Variants in SRGAP2 observed in about 807,000 individuals in gnomAD.
SRGAP2 encodes the protein SLIT-ROBO Rho GTPase activating protein 2, also known as SLIT-ROBO Rho GTPase-activating protein 2.
Under a neutral mutation model 57.2 loss-of-function variants are expected in SRGAP2, and 15 were observed. The ratio of observed to expected loss-of-function variants is 0.26; its 90% CI spans 0.18 to 0.40. The LOEUF is 0.40. Among genes scored for constraint, SRGAP2 ranks in the 10% least tolerant of loss-of-function variants. The probability of loss-of-function intolerance (pLI) is 1.00; values close to 1 mark genes in which losing one functional copy is unlikely to be tolerated. For missense variants in SRGAP2, 520 were observed against 669.6 expected (o/e 0.78, Z 2.47); for synonymous variants, 249 against 248.0 (o/e 1.00, Z -0.04).
Position 206,440,670 on chromosome 1 carries a change from C to T in SRGAP2, c.1874+589C>T, listed in dbSNP as rs551817021. Among the ~76,000 whole-genome samples the T allele has an allele frequency of 6.3e-4, 96 of 152,072 alleles. 1 individual carries two copies. Among genetic ancestry groups the T allele is most frequent in the African/African-American group, 2.0e-3 (85 of 41,490 alleles). ...TCAAGCGATTCTCCTGCCTCAGCCT[C>T]CTGAGTAGCTGGGACCCAGGCGCAT... On this transcript the variant is annotated intron_variant, in intron 17 of 22. Coordinates refer to ENST00000573034, the MANE Select transcript of SRGAP2 (RefSeq NM_015326.5).
At chr1:206,254,628 A>T (rs1307210062) in intron 2 of SRGAP2, among the ~76,000 whole-genome samples, 1 of 151,810 alleles carries the variant, frequency 6.6e-6, no homozygotes, top group Non-Finnish European at 1.5e-5. Flanking sequence ...TCTGGCAAAA[A>T]AAAAAAAAAG....
intron 4 of SRGAP2, among the ~76,000 whole-genome samples, chr1:206,355,993 A>T (rs1571941489): frequency 6.8e-6 from 1 of 148,130 alleles, no homozygotes; most frequent in Non-Finnish European, 1.5e-5. Context: ...AATAAATAAA[A>T]TAAAAATGCC....
chr1:206,256,163 G>GT (rs1446107186), intron 2 of SRGAP2, among the ~76,000 whole-genome samples: 22 of 151,396 alleles, frequency 1.5e-4, no homozygotes, highest in African/African-American at 4.9e-4. Flanking sequence ...TAGATGCTAA[G>GT]TAAGGAGGTC....
intron 8 of SRGAP2, among the ~76,000 whole-genome samples, chr1:206,404,415 G>A (rs1302971644): frequency 6.6e-6 from 1 of 152,224 alleles, no homozygotes; most frequent in Admixed American, 6.5e-5. Context: ...CAGACAAGAG[G>A]CTAAAGGACG....
intron 4 of SRGAP2, among the ~76,000 whole-genome samples, chr1:206,353,067 GT>G: frequency 6.6e-6 from 1 of 151,922 alleles, no homozygotes; most frequent in South Asian, 2.1e-4. Flanking sequence ...TGTAAGCGTG[GT>G]TTTCATTGTA....
chr1:206,408,711 T>A (rs1553358297), intron 10 of SRGAP2, among the ~76,000 whole-genome samples: 1 of 147,878 alleles, frequency 6.8e-6, no homozygotes, highest in Admixed American at 6.6e-5. Context: ...ACTTTTTGGC[T>A]CTAAATGAAT....
At chr1:206,313,933 A>G (rs1341674723) in intron 3 of SRGAP2, among the ~76,000 whole-genome samples, 4 of 151,868 alleles carry the variant, frequency 2.6e-5, no homozygotes, top group South Asian at 2.1e-4. Flanking sequence ...ACAGGTGGAA[A>G]GCACCTGGTA....
At chr1:206,415,519 T>C (rs12085911) in intron 10 of SRGAP2, among the ~76,000 whole-genome samples, 14,666 of 151,656 alleles carry the variant, frequency 0.097, 1,560 homozygotes, top group African/African-American at 0.26. Context: ...CAGGGCAGGG[T>C]GGGATGTCAG....
chr1:206,442,900 G>A (rs6681850), intron 17 of SRGAP2, among the ~76,000 whole-genome samples: 29,579 of 151,900 alleles, frequency 0.19, 3,100 homozygotes, highest in South Asian at 0.28. Context: ...CTTCATTGCT[G>A]TGAGTCCTGG....
At chr1:206,370,406 TA>T (rs1464841526) in intron 4 of SRGAP2, among the ~76,000 whole-genome samples, 1 of 152,060 alleles carries the variant, frequency 6.6e-6, no homozygotes, top group Non-Finnish European at 1.5e-5. Context: ...TACAATAGAG[TA>T]GTATTTAGTC....
intron 4 of SRGAP2, among the ~76,000 whole-genome samples, chr1:206,345,801 G>A (rs1156292225): frequency 6.6e-6 from 1 of 150,394 alleles, no homozygotes; most frequent in African/African-American, 2.5e-5. Context: ...GTTTGAGGAT[G>A]CAGTGAGCTG....
At chr1:206,421,430 A>G (rs945490312) in intron 13 of SRGAP2, among the ~76,000 whole-genome samples, 156 bp downstream of exon 13, 2 of 152,210 alleles carry the variant, frequency 1.3e-5, no homozygotes, top group Non-Finnish European at 2.9e-5. Context: ...ATATGGTGGC[A>G]ATGTCATTGA....
intron 13 of SRGAP2, among the ~76,000 whole-genome samples, chr1:206,427,475 A>C (rs552214277): frequency 6.6e-6 from 1 of 152,284 alleles, no homozygotes; most frequent in East Asian, 1.9e-4. Context: ...ACCAGCTCCA[A>C]CTTGGCACAT....
intron 3 of SRGAP2, among the ~76,000 whole-genome samples, chr1:206,339,723 C>CA (rs1433449572): frequency 6.8e-6 from 1 of 147,818 alleles, no homozygotes; most frequent in East Asian, 2.0e-4. Flanking sequence ...AACTATCGCA[C>CA]AAAATGCTGT....
chr1:206,277,953 TG>T lies in SRGAP2; in HGVS notation c.68-25325del, dbSNP rs1258952554. Among the ~76,000 whole-genome samples, 4 of 150,842 alleles carry T rather than the reference TG, an allele frequency of 2.7e-5. No individual in the cohort carries two copies. In the South Asian group the frequency reaches 6.3e-4, roughly 24 times the overall value. ...AAGATCATGCCACTGCACTCCAGCC[TG>T]GGTGACAGAGTGAGACTGTCTCAAA... On this transcript the variant is annotated intron_variant, in intron 2 of 22. Coordinates refer to ENST00000573034, the MANE Select transcript of SRGAP2 (RefSeq NM_015326.5).
chr1:206,279,273 C>T (rs1169679417), intron 2 of SRGAP2, among the ~76,000 whole-genome samples: 2 of 43,420 alleles, frequency 4.6e-5, no homozygotes, highest in Non-Finnish European at 8.1e-5. Context: ...ATATAGCTTA[C>T]TCTCAACCCA....
intron 2 of SRGAP2, among the ~76,000 whole-genome samples, chr1:206,262,581 A>G (rs1208319884): frequency 4.0e-5 from 6 of 150,694 alleles, no homozygotes; most frequent in Non-Finnish European, 8.9e-5. Context: ...GAGAGTTGTG[A>G]CTGGAGGTTA....
Position 206,454,567 on chromosome 1 carries a change from C to T in SRGAP2, c.2361-311C>T, listed in dbSNP as rs56018553. On this transcript the variant is annotated intron_variant, in intron 20 of 22. Transcript: ENST00000573034. The surrounding 1 kb of genome is among the most constrained non-coding windows in gnomAD (Gnocchi z 4.3). ...CCTTCTCCAGGAGGCCGCCCCAGCA[C>T]GGCCTCCCCAGGAAGCAGCATGGGG... 0.015 allele frequency: 6,381 copies of T among 411,802 alleles called. 74 individuals carry two copies. Among genetic ancestry groups the T allele is most frequent in the South Asian group, 0.029 (700 of 23,892 alleles). 25.5% of individuals were successfully genotyped at this position (411,802 alleles called of 1,614,324 possible). A position where few individuals can be genotyped will look rare whatever the true frequency, so the allele number is the denominator to read the frequency against.
At chr1:206,284,920 T>C (rs1223532539) in intron 2 of SRGAP2, among the ~76,000 whole-genome samples, 1 of 152,246 alleles carries the variant, frequency 6.6e-6, no homozygotes, top group Non-Finnish European at 1.5e-5. Flanking sequence ...CCCCTAATCG[T>C]TGTGCATACT....
Sources: gnomAD v4.1 joint callset for allele counts (sites outside exome capture counted in the v4.1 genomes callset) on GRCh38, gnomAD v4.1.1 for gene constraint, Gnocchi (gnomAD v3.1) non-coding constraint, MANE v1.5 for transcripts, NCBI Gene and HGNC (gene_info 2026-07-23, HGNC 2026-07-21) for gene names.